The following MAGI2 variants were observed in gnomAD, a reference collection of about 807,000 sequenced individuals.
The protein encoded by MAGI2 is membrane-associated guanylate kinase, WW and PDZ domain-containing protein 2.
MAGI2 carries 35 observed loss-of-function variants against 133.3 expected under a neutral mutation model. The ratio of observed to expected loss-of-function variants is 0.26; its 90% CI spans 0.20 to 0.35. The LOEUF is 0.35. Ranked by LOEUF, MAGI2 falls within the 10% of genes least tolerant of loss-of-function variation. The pLI, the probability that MAGI2 is intolerant of heterozygous loss-of-function variation, is 1.00. For synonymous variants in MAGI2, 729 were observed against 710.6 expected (o/e 1.03, Z -0.41); for missense variants, 1,636 against 1,863.4 (o/e 0.88, Z 2.25).
intron 2 of MAGI2, among the ~76,000 whole-genome samples, chr7:78,960,273 C>T (rs546318405): frequency 1.3e-5 from 2 of 152,196 alleles, no homozygotes; most frequent in South Asian, 4.1e-4. Context: ...AAAAAAGTCA[C>T]ATATTATTTG....
At chr7:79,342,991 T>A (rs1841017627) in intron 1 of MAGI2, among the ~76,000 whole-genome samples, 2 of 152,240 alleles carry the variant, frequency 1.3e-5, no homozygotes, top group South Asian at 4.1e-4. Context: ...CTCGAACTCC[T>A]GACCTCAGGT....
intron 2 of MAGI2, among the ~76,000 whole-genome samples, chr7:78,951,254 G>A (rs1449546570): frequency 6.6e-6 from 1 of 152,138 alleles, no homozygotes; most frequent in East Asian, 1.9e-4. Flanking sequence ...TTACAGGCAT[G>A]AGCTGCCACA....
chr7:79,051,314 A>G (rs1280085750), intron 1 of MAGI2, among the ~76,000 whole-genome samples: 1 of 152,168 alleles, frequency 6.6e-6, no homozygotes, highest in Non-Finnish European at 1.5e-5. Context: ...TTCCCTATGC[A>G]ATGAGGGTCT....
At chr7:78,144,855 G>C (rs1452681109) in intron 16 of MAGI2, among the ~76,000 whole-genome samples, 1 of 152,038 alleles carries the variant, frequency 6.6e-6, no homozygotes, top group Non-Finnish European at 1.5e-5. Flanking sequence ...TGCACTTATT[G>C]ATCCATCATC....
intron 10 of MAGI2, among the ~76,000 whole-genome samples, chr7:78,239,786 G>T (rs1247759920): frequency 6.6e-6 from 1 of 152,194 alleles, no homozygotes; most frequent in Non-Finnish European, 1.5e-5. Flanking sequence ...GGAGAAAAGG[G>T]AACCCTTGCA....
At position 78,160,212 on chromosome 7, in the gene MAGI2, T is replaced by C; in HGVS notation, c.2658A>G (p.Pro886=). Residue 886 remains proline, a synonymous_variant, in exon 16 of 22, where the codon CCA becomes CCG. Coordinates refer to ENST00000354212, the MANE Select transcript of MAGI2 (RefSeq NM_012301.4). ...TGGTGTAGGTTGCGTAGTCACTGCG[T>C]GGAGAGCTGTGGTGGGTGGATACAG... The part of the protein sequence containing the change: ...PGSVSTHHSS[P]RSDYATYTNS... 1.9e-6 allele frequency: 3 copies of C among 1,612,388 alleles called. No individual in the cohort carries two copies. The highest frequency in any genetic ancestry group is 2.5e-6 in the Non-Finnish European group (3 of 1,179,084).
At chr7:78,622,140 C>G (rs902495425) in intron 3 of MAGI2, among the ~76,000 whole-genome samples, 1 of 151,980 alleles carries the variant, frequency 6.6e-6, no homozygotes, top group Non-Finnish European at 1.5e-5. Flanking sequence ...CAAGAAGAAA[C>G]AGGGTTTATG....
intron 1 of MAGI2, among the ~76,000 whole-genome samples, chr7:79,281,324 C>G (rs1279558226): frequency 2.0e-5 from 3 of 152,064 alleles, no homozygotes; most frequent in Non-Finnish European, 4.4e-5. Context: ...TAACCAGTAG[C>G]TCCTGGTGAT....
intron 3 of MAGI2, among the ~76,000 whole-genome samples, chr7:78,626,124 T>G (rs936448655): frequency 6.6e-6 from 1 of 152,172 alleles, no homozygotes; most frequent in Non-Finnish European, 1.5e-5. Context: ...AAAGTATATA[T>G]CATGAATTTT....
intron 1 of MAGI2, among the ~76,000 whole-genome samples, chr7:79,253,609 C>G (rs1833483154): frequency 6.6e-6 from 1 of 152,016 alleles, no homozygotes; most frequent in Non-Finnish European, 1.5e-5. Context: ...TGCCACTGCA[C>G]TCCAGCCTAT....
intron 9 of MAGI2, among the ~76,000 whole-genome samples, chr7:78,269,338 C>A (rs761475318): frequency 2.6e-5 from 4 of 152,150 alleles, no homozygotes; most frequent in Admixed American, 6.5e-5. Context: ...ATTTCTAGTT[C>A]TAGATCCTTG....
At chr7:78,297,651 A>G (rs1797400554) in intron 9 of MAGI2, among the ~76,000 whole-genome samples, 1 of 151,866 alleles carries the variant, frequency 6.6e-6, no homozygotes, top group Non-Finnish European at 1.5e-5. Flanking sequence ...ATGCAGCCAT[A>G]AAAAATGATT....
intron 1 of MAGI2, among the ~76,000 whole-genome samples, chr7:79,252,178 AG>A (rs1441948249): frequency 3.3e-3 from 90 of 26,904 alleles, no homozygotes; most frequent in African/African-American, 7.4e-3. Context: ...AAAAAAAAAA[AG>A]AAGAAGAAGA....
At chr7:78,446,270 A>G (rs1197970557) in intron 6 of MAGI2, among the ~76,000 whole-genome samples, 1 of 152,060 alleles carries the variant, frequency 6.6e-6, no homozygotes, top group Non-Finnish European at 1.5e-5. Flanking sequence ...ATACTTCAGT[A>G]GATGTTCTCA....
At chr7:78,771,716 T>A (rs1825605575) in intron 2 of MAGI2, among the ~76,000 whole-genome samples, 1 of 151,938 alleles carries the variant, frequency 6.6e-6, no homozygotes, top group Admixed American at 6.5e-5. Flanking sequence ...TTCTTTGACA[T>A]CCATTTAAAC....
At chr7:78,523,690 A>C (rs1796705762) in intron 3 of MAGI2, among the ~76,000 whole-genome samples, 1 of 152,064 alleles carries the variant, frequency 6.6e-6, no homozygotes. Context: ...CCAAATACTT[A>C]TAAAACTATC....
chr7:79,012,873 G>C (rs1384174645), intron 1 of MAGI2, among the ~76,000 whole-genome samples: 1 of 152,106 alleles, frequency 6.6e-6, no homozygotes, highest in African/African-American at 2.4e-5. Flanking sequence ...ACTCTTCCCG[G>C]CTTGCAAATG....
At chr7:78,405,079 C>T (rs1797256258) in intron 6 of MAGI2, among the ~76,000 whole-genome samples, 2 of 152,086 alleles carry the variant, frequency 1.3e-5, no homozygotes, top group African/African-American at 2.4e-5. Flanking sequence ...TGCTTCCCAC[C>T]AACAGCATTT....
At chr7:78,214,182 C>T (rs1276115605) in intron 10 of MAGI2, among the ~76,000 whole-genome samples, 1 of 152,192 alleles carries the variant, frequency 6.6e-6, no homozygotes, top group Non-Finnish European at 1.5e-5. Context: ...CTTTATCAAG[C>T]ATTACTTTGT....
Sources: allele counts gnomAD v4.1 joint callset (sites outside exome capture counted in the v4.1 genomes callset), GRCh38; gene constraint gnomAD v4.1.1; transcripts MANE v1.5; gene names NCBI Gene and HGNC (gene_info 2026-07-23, HGNC 2026-07-21).